The following ACBD6 variants were observed in gnomAD, a reference collection of about 807,000 sequenced individuals.
ACBD6 encodes acyl-CoA-binding domain-containing protein 6.
In ACBD6, 28 loss-of-function variants were observed where a neutral mutation model predicts 37.2. The observed-to-expected ratio is 0.75, with a 90% confidence interval of 0.56 to 1.03. ACBD6 has a LOEUF of 1.03. Among genes scored for constraint, ACBD6 ranks in the 50% least tolerant of loss-of-function variants. The probability of loss-of-function intolerance (pLI) is 0.00; values close to 1 mark genes in which losing one functional copy is unlikely to be tolerated. For missense variants in ACBD6, 340 were observed against 337.4 expected, an observed-to-expected ratio of 1.01 and a Z score of -0.06; for synonymous variants, 113 against 126.8, an observed-to-expected ratio of 0.89 and a Z score of 0.73.
intron 6 of ACBD6, among the ~76,000 whole-genome samples, chr1:180,383,994 T>C (rs1653753513): frequency 6.6e-6 from 1 of 152,008 alleles, no homozygotes; most frequent in Admixed American, 6.6e-5. Flanking sequence ...TGGATCCCCA[T>C]CTCTCACCAT....
intron 1 of ACBD6, among the ~76,000 whole-genome samples, chr1:180,501,249 A>T (rs1483279408): frequency 6.6e-6 from 1 of 152,276 alleles, no homozygotes; most frequent in Non-Finnish European, 1.5e-5. Context: ...ACAGAAAGGA[A>T]GACATACTCA....
At chr1:180,487,018 A>AG (rs1406854567) in intron 3 of ACBD6, among the ~76,000 whole-genome samples, 2 of 151,230 alleles carry the variant, frequency 1.3e-5, no homozygotes, top group African/African-American at 4.9e-5. Flanking sequence ...TGGGCAAGAA[A>AG]GGGAAAAAAA....
exon 14 of ACBD6, chr1:180,271,806 T>G (rs1025933462): frequency 1.2e-6 from 2 of 1,613,194 alleles, no homozygotes; most frequent in Non-Finnish European, 1.7e-6. Flanking sequence ...GGACGCCCCC[T>G]GAGTATGTCC....
At chr1:180,367,919 G>A (rs1653111651) in intron 6 of ACBD6, among the ~76,000 whole-genome samples, 1 of 152,156 alleles carries the variant, frequency 6.6e-6, no homozygotes, top group Admixed American at 6.5e-5. Context: ...TAATGGGATT[G>A]CTGGGTTGAA....
At chr1:180,329,764 T>A (rs1419148882) in intron 6 of ACBD6, among the ~76,000 whole-genome samples, 1 of 152,178 alleles carries the variant, frequency 6.6e-6, no homozygotes, top group Non-Finnish European at 1.5e-5. Flanking sequence ...TGGGTGGTGA[T>A]CTGTAGCCCG....
intron 6 of ACBD6, among the ~76,000 whole-genome samples, chr1:180,386,359 T>C (rs1304295325): frequency 1.3e-5 from 2 of 152,204 alleles, no homozygotes; most frequent in Admixed American, 6.5e-5. Flanking sequence ...TGTTTTTTTC[T>C]CATTAATTTT....
In ACBD6 at chr1:180,413,588, T is replaced by A. The variant is rs550163898; in HGVS notation, c.468-117A>T. ...TTAATGGACTCTGCTTACAAAAAAA[T>A]TTTACATGAACAGTAACAGTTTTTC... is the stretch of plus-strand genomic sequence containing the variant. On this transcript the variant is annotated intron_variant, in intron 4 of 7. Transcript: ENST00000367595. The A allele has an allele frequency of 3.4e-5, 26 of 755,118 alleles. No homozygotes were observed. The Admixed American group carries it at 4.9e-4, about 14-fold the overall frequency. 46.8% of individuals were successfully genotyped at this position (755,118 alleles called of 1,614,324 possible). A position where few individuals can be genotyped will look rare whatever the true frequency, so the allele number is the denominator to read the frequency against.
At chr1:180,454,603 AG>A (rs1649844347) in intron 3 of ACBD6, among the ~76,000 whole-genome samples, 1 of 152,208 alleles carries the variant, frequency 6.6e-6, no homozygotes, top group African/African-American at 2.4e-5. Context: ...ACAAAATGGG[AG>A]AAAATTTTTG....
chr1:180,456,653 A>G, intron 3 of ACBD6, among the ~76,000 whole-genome samples: 1 of 152,236 alleles, frequency 6.6e-6, no homozygotes, highest in East Asian at 1.9e-4. Flanking sequence ...AGGTATTTCC[A>G]CCTATACTTT....
chr1:180,341,429 G>A (rs1190045697), intron 6 of ACBD6, among the ~76,000 whole-genome samples: 2 of 152,050 alleles, frequency 1.3e-5, no homozygotes, highest in Non-Finnish European at 2.9e-5. Flanking sequence ...TTAAAAACAT[G>A]AGAATGAAAA....
rs74132479 is a variant in ACBD6, at chr1:180,372,490, T to C, written c.663+25026A>G. Among the ~76,000 whole-genome samples the C allele has an allele frequency of 6.7e-3, 1,015 of 152,298 alleles. 17 individuals carry two copies. Among genetic ancestry groups the C allele is most frequent in the African/African-American group, 0.023 (970 of 41,568 alleles). ...TGTTACATGGTCCTCTTAACTTTTATGGTTACATATAAATCATGATAATAT... is the reference window on the plus strand; with the variant it reads ...TGTTACATGGTCCTCTTAACTTTTACGGTTACATATAAATCATGATAATAT... On this transcript the variant is annotated intron_variant, in intron 6 of 7. Coordinates refer to ENST00000367595, the MANE Select transcript of ACBD6 (RefSeq NM_032360.4).
chr1:180,305,238 A>G (rs1233893840), intron 7 of ACBD6, among the ~76,000 whole-genome samples: 2 of 152,216 alleles, frequency 1.3e-5, no homozygotes, highest in East Asian at 3.8e-4. Flanking sequence ...ACAAAAGCCA[A>G]AATTGACAAA....
chr1:180,298,174 C>T (rs1239672907), intron 7 of ACBD6, among the ~76,000 whole-genome samples: 1 of 152,128 alleles, frequency 6.6e-6, no homozygotes, highest in Non-Finnish European at 1.5e-5. Flanking sequence ...AGACACATTG[C>T]CTTATATCAA....
intron 4 of ACBD6, among the ~76,000 whole-genome samples, chr1:180,420,649 G>A (rs552781977): frequency 2.0e-5 from 3 of 152,204 alleles, no homozygotes; most frequent in East Asian, 3.9e-4. Flanking sequence ...TTTAAAAGGC[G>A]GTCTCTTACT....
chr1:180,396,961 C>T (rs1654283114), intron 6 of ACBD6, among the ~76,000 whole-genome samples: 1 of 152,106 alleles, frequency 6.6e-6, no homozygotes, highest in Admixed American at 6.6e-5. Context: ...ACCAAAAGAA[C>T]TGACAACAGG....
chr1:180,330,646 GTATTACTGAT>G (rs1651444264), intron 6 of ACBD6, among the ~76,000 whole-genome samples: 1 of 152,160 alleles, frequency 6.6e-6, no homozygotes, highest in Admixed American at 6.5e-5. Context: ...ATCAAAGGCA[GTATTACTGAT>G]TATTCATCCC....
rs150551756 is a variant in ACBD6 at position 180,452,341 on chromosome 1, G to A, written c.385-22079C>T. 6.7e-3 allele frequency among the ~76,000 whole-genome samples: 1,017 copies of A among 152,098 alleles called. 17 individuals carry two copies. Among genetic ancestry groups the A allele is most frequent in the African/African-American group, 0.023 (967 of 41,480 alleles). ...AAAAATTACCTGGGCATGGTGGCAC[G>A]TGCCAGTAGTCCCAGCTACTCGGGA... On this transcript the variant is annotated intron_variant, in intron 3 of 7. Transcript: ENST00000367595.
intron 3 of ACBD6, chr1:180,436,086 T>C (rs1649024184): frequency 1.7e-6 from 1 of 593,100 alleles, no homozygotes; most frequent in African/African-American, 1.9e-5. Context: ...GATTCAGCTT[T>C]AAGATGTTAC....
At chr1:180,420,420 C>T (rs921667629) in intron 4 of ACBD6, among the ~76,000 whole-genome samples, 7 of 152,200 alleles carry the variant, frequency 4.6e-5, no homozygotes, top group African/African-American at 7.2e-5. Flanking sequence ...GGATCCTTCC[C>T]GACCTTCATA....
Sources: allele counts gnomAD v4.1 joint callset (sites outside exome capture counted in the v4.1 genomes callset), GRCh38; gene constraint gnomAD v4.1.1; transcripts MANE v1.5; gene names NCBI Gene and HGNC (gene_info 2026-07-23, HGNC 2026-07-21).